The following CAMTA1 variants were observed in gnomAD, a reference collection of about 807,000 sequenced individuals.
CAMTA1 encodes calmodulin-binding transcription activator 1.
A neutral mutation model predicts 170.9 loss-of-function variants in CAMTA1; 27 were observed. The ratio of observed to expected loss-of-function variants is 0.16; its 90% CI spans 0.12 to 0.22. The LOEUF is 0.22. CAMTA1 is among the 10% of genes least tolerant of loss of function. CAMTA1 has a pLI of 1.00. For synonymous variants in CAMTA1, 833 were observed against 891.5 expected (o/e 0.93, Z 1.17); for missense variants, 1,619 against 2,217.2 (o/e 0.73, Z 5.42).
intron 4 of CAMTA1, among the ~76,000 whole-genome samples, chr1:7,116,318 A>G (rs959164842): frequency 6.6e-6 from 1 of 152,256 alleles, no homozygotes. Flanking sequence ...CTTAAAACCT[A>G]TAAGTGAGTA....
intron 3 of CAMTA1, among the ~76,000 whole-genome samples, chr1:7,068,560 G>A (rs1709264476): frequency 6.6e-6 from 1 of 152,110 alleles, no homozygotes; most frequent in Non-Finnish European, 1.5e-5. Flanking sequence ...TGAGGTGCCA[G>A]AGAAAATCCA....
chr1:7,253,941 T>C (rs1666986679), intron 5 of CAMTA1, among the ~76,000 whole-genome samples: 1 of 152,094 alleles, frequency 6.6e-6, no homozygotes. Flanking sequence ...TGTGGTCCCC[T>C]ATCTCATGGG....
chr1:7,508,484 T>C (rs571495067), intron 6 of CAMTA1, among the ~76,000 whole-genome samples: 1 of 152,284 alleles, frequency 6.6e-6, no homozygotes, highest in South Asian at 2.1e-4. Context: ...CGGACTAAAG[T>C]GGGCGGGAAA....
intron 3 of CAMTA1, among the ~76,000 whole-genome samples, chr1:6,856,902 A>G (rs1256799644): frequency 6.6e-6 from 1 of 152,038 alleles, no homozygotes; most frequent in East Asian, 1.9e-4. Context: ...GCATGTCTGA[A>G]GTGAGGAGTG....
intron 3 of CAMTA1, among the ~76,000 whole-genome samples, chr1:7,019,003 T>C (rs6693691): frequency 0.64 from 96,815 of 152,056 alleles, 32,228 homozygotes; most frequent in African/African-American, 0.85. Context: ...CCTTCCCTGG[T>C]TCTGTGCACC....
intron 3 of CAMTA1, among the ~76,000 whole-genome samples, chr1:6,846,258 G>T (rs1658097481): frequency 2.0e-5 from 3 of 152,190 alleles, no homozygotes. Context: ...TTAAAAGTAG[G>T]TTTTACAGAT....
chr1:7,728,936 T>G (rs2096711475), intron 11 of CAMTA1, among the ~76,000 whole-genome samples: 1 of 152,174 alleles, frequency 6.6e-6, no homozygotes, highest in South Asian at 2.1e-4. Context: ...GTTACCTCCC[T>G]GTGGGAAGTT....
chr1:7,643,942 GATTTGATTCCAGA>G (rs2095785933), intron 7 of CAMTA1, among the ~76,000 whole-genome samples: 1 of 152,226 alleles, frequency 6.6e-6, no homozygotes, highest in Admixed American at 6.5e-5. Context: ...GAAGACCTCA[GATTTGATTCCAGA>G]ATCAGGCGGG....
chr1:6,916,543 G>A (rs577847423), intron 3 of CAMTA1, among the ~76,000 whole-genome samples: 58 of 152,234 alleles, frequency 3.8e-4, no homozygotes, highest in South Asian at 8.3e-4. Context: ...TTATCACTTT[G>A]CTGTATGAAT....
intron 6 of CAMTA1, among the ~76,000 whole-genome samples, chr1:7,582,635 C>G (rs1166719936): frequency 3.9e-5 from 6 of 152,158 alleles, no homozygotes; most frequent in African/African-American, 1.2e-4. Flanking sequence ...TGTGGCTGCT[C>G]TAACTCCAGC....
At chr1:7,134,431 C>G (rs1011571198) in intron 4 of CAMTA1, among the ~76,000 whole-genome samples, 1 of 152,104 alleles carries the variant, frequency 6.6e-6, no homozygotes, top group Non-Finnish European at 1.5e-5. Context: ...GTAGCTGAAA[C>G]TACAGGCCTG....
chr1:7,407,004 A>G (rs1031372550), intron 5 of CAMTA1, among the ~76,000 whole-genome samples: 2 of 152,162 alleles, frequency 1.3e-5, no homozygotes, highest in Non-Finnish European at 2.9e-5. Context: ...GCTTTGGTAG[A>G]GCTTGGAACT....
At chr1:7,174,638 G>C (rs1040862628) in intron 4 of CAMTA1, among the ~76,000 whole-genome samples, 1 of 152,206 alleles carries the variant, frequency 6.6e-6, no homozygotes, top group African/African-American at 2.4e-5. Context: ...GCCGCATTTA[G>C]GGCGACTGCA....
At chr1:6,929,733 G>A (rs1033797822) in intron 3 of CAMTA1, among the ~76,000 whole-genome samples, 3 of 152,160 alleles carry the variant, frequency 2.0e-5, no homozygotes, top group Admixed American at 6.5e-5. Context: ...TCCTGACCTC[G>A]TGATCTGCCT....
chr1:6,873,863 T>C (rs1669081233), intron 3 of CAMTA1, among the ~76,000 whole-genome samples: 1 of 152,326 alleles, frequency 6.6e-6, no homozygotes, highest in African/African-American at 2.4e-5. Context: ...GAGAAAAACC[T>C]TCATTTGAGA....
chr1:6,814,143 G>A (rs1645510497), intron 1 of CAMTA1, among the ~76,000 whole-genome samples: 1 of 152,152 alleles, frequency 6.6e-6, no homozygotes. Flanking sequence ...ATTGGAGAAG[G>A]AAACCTCCTA....
At chr1:6,921,651 T>TA (rs2149325257) in intron 3 of CAMTA1, among the ~76,000 whole-genome samples, 2 of 152,284 alleles carry the variant, frequency 1.3e-5, no homozygotes, top group East Asian at 3.9e-4. Flanking sequence ...GACTCACAGT[T>TA]CCATGTGGCT....
At chr1:7,598,000 A>G (rs1400570629) in intron 6 of CAMTA1, among the ~76,000 whole-genome samples, 2 of 151,094 alleles carry the variant, frequency 1.3e-5, no homozygotes, top group African/African-American at 2.4e-5. Context: ...TTTGTTACAT[A>G]TGTATACATG....
intron 5 of CAMTA1, among the ~76,000 whole-genome samples, chr1:7,385,332 T>C (rs2087826512): frequency 6.6e-6 from 1 of 152,128 alleles, no homozygotes; most frequent in Non-Finnish European, 1.5e-5. Flanking sequence ...GGACACTTGA[T>C]TTTGCCGGTC....
Sources: gnomAD v4.1 joint callset for allele counts (sites outside exome capture counted in the v4.1 genomes callset) on GRCh38, gnomAD v4.1.1 for gene constraint, MANE v1.5 for transcripts, NCBI Gene and HGNC (gene_info 2026-07-23, HGNC 2026-07-21) for gene names.